Variants in SCMH1 observed in about 807,000 individuals in gnomAD.
SCMH1 encodes Scm polycomb group protein homolog 1, also known as polycomb protein SCMH1.
In SCMH1, 37 loss-of-function variants were observed where a neutral mutation model predicts 70.8. The ratio of observed to expected loss-of-function variants is 0.52; its 90% confidence interval spans 0.40 to 0.69. SCMH1 has a LOEUF of 0.69. Among genes scored for constraint, SCMH1 ranks in the 30% least tolerant of loss-of-function variants. The pLI is 0.00. For missense variants in SCMH1, 607 were observed against 827.3 expected (o/e 0.73, Z 3.27); for synonymous variants, 292 against 307.4 (o/e 0.95, Z 0.52).
intron 6 of SCMH1, among the ~76,000 whole-genome samples, chr1:41,135,056 T>G (rs1223032331): frequency 1.3e-5 from 2 of 152,198 alleles, no homozygotes; most frequent in African/African-American, 4.8e-5. Context: ...CTTGATGAAT[T>G]GTTGTTTTAA....
intron 8 of SCMH1, among the ~76,000 whole-genome samples, chr1:41,099,928 G>T (rs1012724910): frequency 6.6e-6 from 1 of 152,130 alleles, no homozygotes; most frequent in African/African-American, 2.4e-5. Context: ...ATTAGAAAAG[G>T]TGATTAGTTT....
intron 2 of SCMH1, among the ~76,000 whole-genome samples, chr1:41,169,857 A>ATCCC (rs1646669344): frequency 6.6e-6 from 1 of 152,078 alleles, no homozygotes; most frequent in Non-Finnish European, 1.5e-5. Flanking sequence ...GCATAGGCCA[A>ATCCC]TCCCTTCTTC....
At chr1:41,144,478 T>C (rs937634660) in intron 5 of SCMH1, among the ~76,000 whole-genome samples, 1 of 152,208 alleles carries the variant, frequency 6.6e-6, no homozygotes, top group Non-Finnish European at 1.5e-5. Context: ...ATTGTATGGA[T>C]ATACATTTTG....
At chr1:41,085,123 TA>T (rs1365778475) in intron 8 of SCMH1, among the ~76,000 whole-genome samples, 1 of 149,996 alleles carries the variant, frequency 6.7e-6, no homozygotes, top group Non-Finnish European at 1.5e-5. Flanking sequence ...ACTTAAAGTA[TA>T]ATAATAATAA....
intron 4 of SCMH1, chr1:41,152,660 G>C: frequency 6.2e-7 from 1 of 1,614,140 alleles, no homozygotes; most frequent in Non-Finnish European, 8.5e-7. Context: ...CTAAAACACT[G>C]TAGCAAACCA....
intron 1 of SCMH1, among the ~76,000 whole-genome samples, chr1:41,215,649 C>T (rs1657921553): frequency 6.6e-6 from 1 of 152,104 alleles, no homozygotes; most frequent in Non-Finnish European, 1.5e-5. Context: ...ATCAATGAGT[C>T]CCCTTTCTCA....
chr1:41,145,546 G>A (rs1281787316), intron 5 of SCMH1, among the ~76,000 whole-genome samples: 3 of 152,086 alleles, frequency 2.0e-5, no homozygotes, highest in Non-Finnish European at 4.4e-5. Flanking sequence ...GCTATTCTGG[G>A]TCTCTTGTAA....
chr1:41,082,621 C>A (rs569834239), intron 8 of SCMH1, among the ~76,000 whole-genome samples: 23 of 152,148 alleles, frequency 1.5e-4, no homozygotes, highest in Non-Finnish European at 2.4e-4. Flanking sequence ...ATGCCAAAAA[C>A]ATGCCAAACA....
At chr1:41,067,090 G>A (rs1286397514) in intron 10 of SCMH1, among the ~76,000 whole-genome samples, 1 of 152,084 alleles carries the variant, frequency 6.6e-6, no homozygotes. Context: ...CCATAAGTAG[G>A]TGAGTGGATA....
At chr1:41,058,771 C>T (rs1651518878) in intron 10 of SCMH1, among the ~76,000 whole-genome samples, 1 of 152,144 alleles carries the variant, frequency 6.6e-6, no homozygotes, top group African/African-American at 2.4e-5. Context: ...GGCAAATCTA[C>T]ATTTTACATA....
At chr1:41,232,674 T>C (rs1661537001) in intron 1 of SCMH1, among the ~76,000 whole-genome samples, 2 of 152,212 alleles carry the variant, frequency 1.3e-5, no homozygotes, top group African/African-American at 4.8e-5. Flanking sequence ...ATACTACCTA[T>C]ATGCAGGTGG....
Position 41,113,448 on chromosome 1 carries a change from T to C in SCMH1, c.580A>G (p.Ile194Val), listed in dbSNP as rs1217988967. The C allele has an allele frequency of 6.2e-7, 1 of 1,613,914 alleles. No individual in the cohort carries two copies. Among genetic ancestry groups the C allele is most frequent in the Admixed American group, 1.7e-5 (1 of 60,012 alleles). ...ACCTCCCCAATAGTGGCTGGGCAAA[T>C]GAAATGAGGGTTCTTCCTGTCCACA... The change falls in exon 8 of 15, where the codon ATT becomes GTT. Residue 194 changes from isoleucine to valine, a missense_variant. By Grantham distance (29) the Ile-to-Val change is conservative. Transcript: ENST00000337495. The surrounding 1 kb of genome is among the most constrained non-coding windows in gnomAD (Gnocchi z 4.3).
chr1:41,187,949 T>C (rs915761149), intron 1 of SCMH1, among the ~76,000 whole-genome samples: 13 of 152,048 alleles, frequency 8.5e-5, no homozygotes, highest in Non-Finnish European at 1.8e-4. Flanking sequence ...GTCATACCAC[T>C]GCACTCCAGC....
At chr1:41,029,133 C>CA (rs1644157422) in intron 13 of SCMH1, among the ~76,000 whole-genome samples, 1 of 151,954 alleles carries the variant, frequency 6.6e-6, no homozygotes, top group African/African-American at 2.4e-5. Context: ...GGCACGTGGG[C>CA]AAAAAATACC....
chr1:41,220,761 C>G (rs1659088871), intron 1 of SCMH1, among the ~76,000 whole-genome samples: 1 of 152,172 alleles, frequency 6.6e-6, no homozygotes, highest in African/African-American at 2.4e-5. Context: ...TGGAACATAT[C>G]TTGTGCTATG....
intron 8 of SCMH1, among the ~76,000 whole-genome samples, chr1:41,091,547 A>G (rs1458602466): frequency 1.3e-5 from 2 of 152,186 alleles, no homozygotes; most frequent in Non-Finnish European, 2.9e-5. Context: ...CAATCAGGCA[A>G]GAGAAAGAAA....
At chr1:41,097,682 T>C (rs1013786817) in intron 8 of SCMH1, among the ~76,000 whole-genome samples, 1 of 152,180 alleles carries the variant, frequency 6.6e-6, no homozygotes, top group Non-Finnish European at 1.5e-5. Flanking sequence ...AACTTTAATA[T>C]ACATCCTCAA....
intron 1 of SCMH1, among the ~76,000 whole-genome samples, chr1:41,232,021 CAA>C (rs58506638): frequency 7.7e-4 from 74 of 96,188 alleles, no homozygotes; most frequent in Non-Finnish European, 8.0e-4. Context: ...AAGACTGTCT[CAA>C]AAAAAAAAAA....
intron 5 of SCMH1, among the ~76,000 whole-genome samples, chr1:41,149,116 T>C (rs1219421439): frequency 6.6e-6 from 1 of 152,136 alleles, no homozygotes; most frequent in African/African-American, 2.4e-5. Context: ...GGAAAAATTT[T>C]AGCCATTATT....
Sources: allele counts gnomAD v4.1 joint callset (sites outside exome capture counted in the v4.1 genomes callset), GRCh38; gene constraint gnomAD v4.1.1; non-coding constraint Gnocchi (gnomAD v3.1); transcripts MANE v1.5; gene names NCBI Gene and HGNC (gene_info 2026-07-23, HGNC 2026-07-21).